Variants in APC observed in about 807,000 individuals in gnomAD.
APC encodes adenomatous polyposis coli protein.
Under a neutral mutation model 247.0 loss-of-function variants are expected in APC, and 72 were observed. The observed-to-expected ratio is 0.29, with a 90% CI of 0.24 to 0.35. The LOEUF is 0.35. Among genes scored for constraint, APC ranks in the 10% least tolerant of loss-of-function variants. The pLI is 1.00. For missense variants in APC, 3,400 were observed against 3,360.7 expected (o/e 1.01, Z -0.29); for synonymous variants, 1,254 against 1,162.5 (o/e 1.08, Z -1.60).
intron 1 of APC, among the ~76,000 whole-genome samples, chr5:112,743,702 T>G (rs1186983582): frequency 6.6e-6 from 1 of 152,202 alleles, no homozygotes; most frequent in Non-Finnish European, 1.5e-5. Flanking sequence ...TTTGTATCTT[T>G]TAGACTCGTT....
chr5:112,825,576 AC>A (rs1337701391), intron 11 of APC, among the ~76,000 whole-genome samples: 1 of 152,022 alleles, frequency 6.6e-6, no homozygotes. Flanking sequence ...ATCTGGCCAG[AC>A]CTGATGGCTC....
In APC at chr5:112,840,409, G is replaced by A. The variant is rs1060503313; in HGVS notation, c.4815G>A (p.Val1605=). The A allele has an allele frequency of 6.2e-7, 1 of 1,614,136 alleles. No homozygotes were observed. ...AQTASKLPPP[V]ARKPSQLPVY... The stretch of plus-strand genomic sequence containing the variant: ...CTGCTTCAAAATTACCTCCACCTGT[G>A]GCAAGGAAACCAAGTCAGCTGCCTG... The change falls in exon 16 of 16, where the codon GTG becomes GTA. Residue 1605 remains valine, a synonymous_variant. Coordinates refer to ENST00000257430, the MANE Select transcript of APC (RefSeq NM_000038.6). This position sits in a 1 kb window ranked among gnomAD's most constrained non-coding sequence, Gnocchi z 4.1.
chr5:112,767,409 G>A lies in APC; in HGVS notation c.422+19G>A, dbSNP rs767046355. On this transcript the variant is annotated intron_variant, in intron 4 of 15. Coordinates refer to ENST00000257430, the MANE Select transcript of APC (RefSeq NM_000038.6). ...AAGAGAGGTAACTTTTCTTCATATA[G>A]TAAACATTGCCTTGTGTACTCCAGT... 6.3e-7 allele frequency: 1 copy of A among 1,576,632 alleles called. No individual in the cohort carries two copies. The highest frequency in any genetic ancestry group is 8.7e-7 in the Non-Finnish European group (1 of 1,145,992).
intron 1 of APC, among the ~76,000 whole-genome samples, chr5:112,732,043 T>C (rs1307338403): frequency 5.9e-5 from 9 of 152,388 alleles, no homozygotes; most frequent in Middle Eastern, 3.4e-3. Context: ...GTTACAGGCA[T>C]GAGCCATTGC....
chr5:112,720,430 G>T (rs1240717896), intron 1 of APC, among the ~76,000 whole-genome samples: 1 of 152,084 alleles, frequency 6.6e-6, no homozygotes, highest in East Asian at 1.9e-4. Context: ...AAAACTGAAG[G>T]ATAAAATGAG....
At chr5:112,731,968 G>C (rs1299664812) in intron 1 of APC, among the ~76,000 whole-genome samples, 1 of 152,158 alleles carries the variant, frequency 6.6e-6, no homozygotes, top group Non-Finnish European at 1.5e-5. Flanking sequence ...CGCCATGTTG[G>C]CCAGGCTGGT....
In APC at chr5:112,842,928, A is replaced by G. The variant is rs1465349688; in HGVS notation, c.7334A>G (p.Lys2445Arg). The G allele has an allele frequency of 1.8e-5, 29 of 1,614,060 alleles. No homozygotes were observed. The highest frequency in any genetic ancestry group is 2.3e-5 in the Non-Finnish European group (27 of 1,179,908). The change falls in exon 16 of 16, where the codon AAA becomes AGA. Residue 2445 changes from lysine (K) to arginine (R), a missense_variant. By Grantham distance (26) the Lys-to-Arg change is conservative. Around this residue, in one of 9 missense-constraint regions of APC, gnomAD observed 1,788 missense variants for 1,649.5 expected, o/e 1.08. Coordinates refer to ENST00000257430, the MANE Select transcript of APC (RefSeq NM_000038.6). ...PVLVRQSTFIKEAPSPTLRRK... is the reference protein window; with the variant it reads ...PVLVRQSTFIREAPSPTLRRK... ...TTAGTACGCCAGTCAACTTTCATCA[A>G]AGAAGCTCCAAGCCCAACCTTAAGA... is the stretch of plus-strand genomic sequence containing the variant.
chr5:112,800,223 G>A (rs1370518024), intron 7 of APC, among the ~76,000 whole-genome samples: 2 of 152,160 alleles, frequency 1.3e-5, no homozygotes, highest in Admixed American at 1.3e-4. Flanking sequence ...ACTTACGTTA[G>A]TGTCAAATCT....
chr5:112,726,876 G>A (rs1357103091), intron 1 of APC, among the ~76,000 whole-genome samples: 3 of 152,010 alleles, frequency 2.0e-5, no homozygotes, highest in Non-Finnish European at 2.9e-5. Context: ...TTAAAACATT[G>A]ATCTATTTTG....
intron 2 of APC, among the ~76,000 whole-genome samples, chr5:112,764,349 TTAGG>T (rs1254095755): frequency 6.6e-6 from 1 of 152,026 alleles, no homozygotes; most frequent in Non-Finnish European, 1.5e-5. Context: ...TTTTCATAGT[TTAGG>T]TAGGGTTAAT....
chr5:112,719,452 A>C (rs1318284499), intron 1 of APC, among the ~76,000 whole-genome samples: 1 of 150,108 alleles, frequency 6.7e-6, no homozygotes, highest in African/African-American at 2.5e-5. Context: ...GGAACTCCTG[A>C]CCTCAAATGA....
chr5:112,731,884 C>T (rs554069418), intron 1 of APC, among the ~76,000 whole-genome samples: 2 of 152,270 alleles, frequency 1.3e-5, no homozygotes, highest in East Asian at 1.9e-4. Flanking sequence ...GCCTCAGCAT[C>T]CCGAGTATCT....
At chr5:112,828,090 C>T in intron 13 of APC, 84 bp downstream of exon 13, 1 of 1,138,508 alleles carries the variant, frequency 8.8e-7, no homozygotes, top group Non-Finnish European at 1.3e-6. Context: ...GCTTAGAGGG[C>T]AGTTGTGCAA....
chr5:112,742,401 A>T (rs898074321), intron 1 of APC, among the ~76,000 whole-genome samples: 1 of 152,220 alleles, frequency 6.6e-6, no homozygotes, highest in African/African-American at 2.4e-5. Context: ...ACCAAAACTT[A>T]GTGGCTTAAA....
At chr5:112,752,613 C>T (rs1754500716) in intron 1 of APC, among the ~76,000 whole-genome samples, 1 of 152,104 alleles carries the variant, frequency 6.6e-6, no homozygotes. Context: ...ACACAAGTTT[C>T]AAATTTGAAA....
chr5:112,750,455 CTT>C (rs1013222764), intron 1 of APC, among the ~76,000 whole-genome samples: 3 of 144,242 alleles, frequency 2.1e-5, no homozygotes, highest in Non-Finnish European at 1.5e-5. Context: ...GATGAGCATT[CTT>C]TTTTTTTTTC....
chr5:112,765,600 A>G (rs1488938270), intron 2 of APC, among the ~76,000 whole-genome samples: 1 of 152,234 alleles, frequency 6.6e-6, no homozygotes. Flanking sequence ...CCAAAGAACT[A>G]TGCTAGGAGC....
intron 1 of APC, among the ~76,000 whole-genome samples, chr5:112,715,064 A>G (rs1751080013): frequency 6.6e-6 from 1 of 152,212 alleles, no homozygotes; most frequent in African/African-American, 2.4e-5. Flanking sequence ...TGAATTATGT[A>G]CATTGTACTC....
At chr5:112,761,551 T>A (rs1429344333) in intron 2 of APC, among the ~76,000 whole-genome samples, 2 of 152,122 alleles carry the variant, frequency 1.3e-5, no homozygotes, top group African/African-American at 4.8e-5. Flanking sequence ...GAAGACAGAA[T>A]TAGTGAACTT....
Sources: gnomAD v4.1 joint callset for allele counts (sites outside exome capture counted in the v4.1 genomes callset) on GRCh38, gnomAD v4.1.1 for gene constraint, gnomAD v4.1.1 regional missense constraint, Gnocchi (gnomAD v3.1) non-coding constraint, MANE v1.5 for transcripts, NCBI Gene and HGNC (gene_info 2026-07-23, HGNC 2026-07-21) for gene names.